IKZF3: variants seen among roughly 807,000 people sequenced by gnomAD.
IKZF3 encodes the protein zinc finger protein Aiolos.
A neutral mutation model predicts 49.0 loss-of-function variants in IKZF3; 10 were observed. That is an observed-to-expected ratio of 0.20 (90% CI 0.13 to 0.35). The LOEUF (loss-of-function observed/expected upper bound fraction) is 0.35. Ranked by LOEUF, IKZF3 falls within the 10% of genes least tolerant of loss-of-function variation. The pLI is 1.00. For missense variants in IKZF3, 498 were observed against 664.8 expected, an observed-to-expected ratio of 0.75 and a Z score of 2.76; for synonymous variants, 209 against 228.2, an observed-to-expected ratio of 0.92 and a Z score of 0.76.
chr17:39,821,048 A>G (rs769623987), intron 3 of IKZF3, among the ~76,000 whole-genome samples: 10 of 152,090 alleles, frequency 6.6e-5, no homozygotes, highest in Non-Finnish European at 1.3e-4. Flanking sequence ...TGATAAGTAA[A>G]GAAACTTTTT....
chr17:39,798,386 T>C lies in IKZF3; in HGVS notation c.164-5453A>G, dbSNP rs574005321. Among the ~76,000 whole-genome samples, 45 of 152,350 alleles carry C rather than the reference T, an allele frequency of 3.0e-4. No homozygotes were observed. In the South Asian group the frequency reaches 9.3e-3, roughly 32 times the overall value. On this transcript the variant is annotated intron_variant, in intron 3 of 7. Coordinates refer to ENST00000346872, the MANE Select transcript of IKZF3 (RefSeq NM_012481.5). ...TCGGGATCTGGCCCCAACCTATCTT[T>C]GGCATATTAATTTTGACTAGTTAGA... is the stretch of plus-strand genomic sequence containing the variant.
Position 39,765,689 on chromosome 17 carries a change from A to G in IKZF3, c.*101T>C. On this transcript the variant is annotated 3_prime_UTR_variant, in exon 8 of 8. Transcript: ENST00000346872. Reference sequence around the variant, plus strand: ...CACAGCTAAAAATGGTATGAAAAGAAGTTTGGAACTGAGTATGTTTTGAGA... The same window carrying G: ...CACAGCTAAAAATGGTATGAAAAGAGGTTTGGAACTGAGTATGTTTTGAGA... 1.2e-6 allele frequency: 1 copy of G among 851,810 alleles called. No homozygotes were observed. Among genetic ancestry groups the G allele is most frequent in the Non-Finnish European group, 1.8e-6 (1 of 542,950 alleles). 52.8% of individuals were successfully genotyped at this position (851,810 alleles called of 1,614,324 possible).
chr17:39,784,222 C>T (rs992413325), intron 6 of IKZF3, among the ~76,000 whole-genome samples: 5 of 152,144 alleles, frequency 3.3e-5, no homozygotes, highest in African/African-American at 1.2e-4. Flanking sequence ...CTAAATGAAT[C>T]TCTATACCGG....
chr17:39,802,221 C>CAAAA (rs56029512), intron 3 of IKZF3, among the ~76,000 whole-genome samples: 35 of 54,398 alleles, frequency 6.4e-4, no homozygotes, highest in Middle Eastern at 0.021. Flanking sequence ...GACTCCATCT[C>CAAAA]AAAAAAAAAA....
chr17:39,799,035 C>T (rs2061250798), intron 3 of IKZF3, among the ~76,000 whole-genome samples: 1 of 150,472 alleles, frequency 6.6e-6, no homozygotes. Flanking sequence ...CTCAGTATTC[C>T]CTATGACACT....
chr17:39,825,475 C>T (rs559020935), intron 3 of IKZF3, among the ~76,000 whole-genome samples: 1 of 152,118 alleles, frequency 6.6e-6, no homozygotes, highest in African/African-American at 2.4e-5. Context: ...CAAGGCAGGG[C>T]TGGGTAAACA....
intron 3 of IKZF3, among the ~76,000 whole-genome samples, chr17:39,825,220 G>T (rs536300628): frequency 7.2e-5 from 11 of 152,206 alleles, no homozygotes; most frequent in African/African-American, 2.7e-4. Context: ...CATGGTAAAT[G>T]CCACGGTTAA....
At chr17:39,844,288 G>C (rs1387631999) in intron 1 of IKZF3, among the ~76,000 whole-genome samples, 1 of 152,160 alleles carries the variant, frequency 6.6e-6, no homozygotes, top group East Asian at 1.9e-4. Context: ...GCAAATGATG[G>C]AAGAATCTTG....
rs937850839 is a variant in IKZF3 at position 39,764,675 on chromosome 17, C to T, written c.*1115G>A. 4.0e-5 allele frequency: 6 copies of T among 151,092 alleles called. No individual in the cohort carries two copies. The highest frequency in any genetic ancestry group is 1.5e-4 in the African/African-American group (6 of 40,452). The allele number at this position is 151,092 out of a possible 1,614,324, so 9.4% of individuals were successfully genotyped here. ...GAATTTTCATGGAATACAGCAGTTCCATTTAAATGGGAAAAAAAGGGCCGA... is the reference window on the plus strand; with the variant it reads ...GAATTTTCATGGAATACAGCAGTTCTATTTAAATGGGAAAAAAAGGGCCGA... On this transcript the variant is annotated 3_prime_UTR_variant, in exon 8 of 8. Transcript: ENST00000346872.
rs772209304 is a variant in IKZF3, at chr17:39,766,036, G to C, written c.1284C>G (p.Leu428=). ...CTCTTGGGCAGATGGGCGGGGGCTT[G>C]AGGAGTTCGTAAGAGCGGGGAACCT... is the stretch of plus-strand genomic sequence containing the variant. ...LKEVPRSYEL[L]KPPPICPRDS... The change falls in exon 8 of 8, where the codon CTC becomes CTG. Residue 428 remains leucine, a synonymous_variant. Coordinates refer to ENST00000346872, the MANE Select transcript of IKZF3 (RefSeq NM_012481.5). 1.2e-5 allele frequency: 19 copies of C among 1,614,078 alleles called. No individual in the cohort carries two copies. The highest frequency in any genetic ancestry group is 1.7e-5 in the Admixed American group (1 of 60,006).
intron 1 of IKZF3, chr17:39,835,307 A>G: frequency 1.8e-6 from 1 of 543,150 alleles, no homozygotes; most frequent in Non-Finnish European, 3.6e-6. Context: ...TGAGCAGCTG[A>G]CGCGCCACGT....
intron 1 of IKZF3, among the ~76,000 whole-genome samples, chr17:39,857,976 AAGAG>A (rs1555645023): frequency 6.6e-5 from 10 of 151,428 alleles, no homozygotes; most frequent in Admixed American, 2.6e-4. Flanking sequence ...AAAAAAAAAA[AAGAG>A]AGAGAGAGAG....
intron 7 of IKZF3, among the ~76,000 whole-genome samples, chr17:39,773,490 C>G (rs1241366565): frequency 6.6e-6 from 1 of 152,214 alleles, no homozygotes; most frequent in African/African-American, 2.4e-5. Context: ...AGTTACTTCA[C>G]AGGGAGATCC....
intron 3 of IKZF3, among the ~76,000 whole-genome samples, chr17:39,806,542 C>A (rs2061434089): frequency 6.6e-6 from 1 of 152,140 alleles, no homozygotes; most frequent in Admixed American, 6.5e-5. Flanking sequence ...AATGAGATTC[C>A]ACTTCACACC....
At chr17:39,771,346 T>C (rs2060436470) in intron 7 of IKZF3, among the ~76,000 whole-genome samples, 1 of 152,218 alleles carries the variant, frequency 6.6e-6, no homozygotes, top group Admixed American at 6.5e-5. Context: ...GTGCCAGGCA[T>C]GTGTAAGCAC....
chr17:39,855,338 CA>C (rs2063006207), intron 1 of IKZF3, among the ~76,000 whole-genome samples: 1 of 152,178 alleles, frequency 6.6e-6, no homozygotes, highest in Admixed American at 6.5e-5. Flanking sequence ...GTGTAATCAT[CA>C]AGTCTCATTG....
intron 1 of IKZF3, among the ~76,000 whole-genome samples, chr17:39,850,078 T>G (rs1332920064): frequency 1.4e-5 from 1 of 73,172 alleles, no homozygotes; most frequent in Non-Finnish European, 3.4e-5. Flanking sequence ...ATATACTATA[T>G]GCATATATAC....
At chr17:39,843,824 A>G (rs576801171) in intron 1 of IKZF3, among the ~76,000 whole-genome samples, 22 of 151,848 alleles carry the variant, frequency 1.4e-4, no homozygotes, top group South Asian at 6.2e-4. Context: ...AAAAAAAAAA[A>G]AGAGATAGGA....
At chr17:39,789,436 C>T (rs193177960) in intron 5 of IKZF3, among the ~76,000 whole-genome samples, 1 of 152,194 alleles carries the variant, frequency 6.6e-6, no homozygotes, top group African/African-American at 2.4e-5. Context: ...GATGGCGTGA[C>T]CCTTTAGTCC....
Sources: gnomAD v4.1 joint callset for allele counts (sites outside exome capture counted in the v4.1 genomes callset) on GRCh38, gnomAD v4.1.1 for gene constraint, MANE v1.5 for transcripts, NCBI Gene and HGNC (gene_info 2026-07-23, HGNC 2026-07-21) for gene names.